The following MYO9A variants were observed in gnomAD, a reference collection of about 807,000 sequenced individuals.
MYO9A encodes unconventional myosin-IXa.
A neutral mutation model predicts 293.3 loss-of-function variants in MYO9A; 103 were observed. The observed-to-expected ratio is 0.35, with a 90% CI of 0.30 to 0.41. The LOEUF (loss-of-function observed/expected upper bound fraction) is 0.41, where lower values mean the gene tolerates loss of function less well. MYO9A is among the 10% of genes least tolerant of loss of function. The pLI is 1.00. For missense variants in MYO9A, 2,685 were observed against 3,033.0 expected (o/e 0.89, Z 2.69); for synonymous variants, 1,001 against 1,035.7 (o/e 0.97, Z 0.64).
chr15:71,876,181 T>C (rs1466146235), intron 31 of MYO9A, among the ~76,000 whole-genome samples: 3 of 151,266 alleles, frequency 2.0e-5, no homozygotes, highest in Admixed American at 6.6e-5. Context: ...AGTCTTGCTC[T>C]GTCGCCCAGG....
chr15:72,116,000 G>A (rs928282031), intron 1 of MYO9A, among the ~76,000 whole-genome samples: 9 of 152,170 alleles, frequency 5.9e-5, no homozygotes, highest in Admixed American at 4.6e-4. Flanking sequence ...CCTCTAGGAT[G>A]TAGTATTAAG....
intron 18 of MYO9A, among the ~76,000 whole-genome samples, chr15:71,920,502 C>T (rs2058128393): frequency 1.3e-5 from 2 of 152,160 alleles, no homozygotes; most frequent in Non-Finnish European, 2.9e-5. Flanking sequence ...TAGACATCAA[C>T]TCTGAAAACT....
At chr15:71,918,829 A>G (rs572664013) in intron 18 of MYO9A, among the ~76,000 whole-genome samples, 1 of 152,376 alleles carries the variant, frequency 6.6e-6, no homozygotes, top group South Asian at 2.1e-4. Context: ...TAAAATAACT[A>G]TTAGAAAATC....
intron 4 of MYO9A, among the ~76,000 whole-genome samples, chr15:72,023,444 G>A (rs2077562934): frequency 6.6e-6 from 1 of 152,080 alleles, no homozygotes; most frequent in African/African-American, 2.4e-5. Flanking sequence ...TATAACCCCA[G>A]TACTTTGGGA....
chr15:72,005,454 G>A (rs1328693098), intron 8 of MYO9A, among the ~76,000 whole-genome samples: 1 of 152,148 alleles, frequency 6.6e-6, no homozygotes, highest in African/African-American at 2.4e-5. Flanking sequence ...TAGCCACAAT[G>A]CCCTGTCACA....
At chr15:71,932,401 G>A (rs555668560) in intron 18 of MYO9A, among the ~76,000 whole-genome samples, 37 of 152,160 alleles carry the variant, frequency 2.4e-4, no homozygotes, top group African/African-American at 8.9e-4. Context: ...AGTGGCAGCT[G>A]TGATCAATCC....
chr15:71,957,310 A>G (rs2059226502), intron 14 of MYO9A, among the ~76,000 whole-genome samples: 1 of 152,150 alleles, frequency 6.6e-6, no homozygotes, highest in Admixed American at 6.5e-5. Context: ...GCCTTTGATT[A>G]AATTCCAGGG....
intron 27 of MYO9A, among the ~76,000 whole-genome samples, chr15:71,885,013 A>G (rs1365422700): frequency 6.7e-6 from 1 of 148,530 alleles, no homozygotes; most frequent in Non-Finnish European, 1.5e-5. Context: ...ATATTTATAC[A>G]TTAAAAAGAG....
At chr15:71,986,323 GA>G (rs751166592) in intron 11 of MYO9A, among the ~76,000 whole-genome samples, 2 of 152,140 alleles carry the variant, frequency 1.3e-5, no homozygotes, top group Non-Finnish European at 2.9e-5. Context: ...AGGGGGTCCT[GA>G]AACCAATCCC....
chr15:72,093,938 T>A (rs556414877), intron 1 of MYO9A, among the ~76,000 whole-genome samples: 2 of 88,164 alleles, frequency 2.3e-5, no homozygotes, highest in South Asian at 9.2e-4. Context: ...ATAAAATCAT[T>A]GAAAAGTAGT....
chr15:72,081,119 T>C (rs1341870873), intron 1 of MYO9A, among the ~76,000 whole-genome samples: 1 of 152,178 alleles, frequency 6.6e-6, no homozygotes, highest in African/African-American at 2.4e-5. Context: ...GTAGTTCTTT[T>C]TAGGTCACTG....
chr15:71,881,133 T>C (rs1333356267), intron 28 of MYO9A, among the ~76,000 whole-genome samples: 2 of 151,960 alleles, frequency 1.3e-5, no homozygotes, highest in Non-Finnish European at 2.9e-5. Flanking sequence ...CTTGGGTCTC[T>C]TCAGCATTTA....
chr15:72,118,236 G>A, upstream of MYO9A: 1 of 335,284 alleles, frequency 3.0e-6, no homozygotes, highest in Non-Finnish European at 5.4e-6. Context: ...AGAGTACAGC[G>A]TGCGCTTGCG....
intron 32 of MYO9A, among the ~76,000 whole-genome samples, chr15:71,869,603 A>G (rs986238242): frequency 6.6e-6 from 1 of 152,204 alleles, no homozygotes; most frequent in Non-Finnish European, 1.5e-5. Flanking sequence ...GATACGGTTT[A>G]TTTGTACTTC....
At chr15:71,848,038 T>C (rs755352432) in intron 39 of MYO9A, among the ~76,000 whole-genome samples, 1 of 152,088 alleles carries the variant, frequency 6.6e-6, no homozygotes, top group Non-Finnish European at 1.5e-5. Context: ...TAGAGATTTA[T>C]TGGGAATCTG....
chr15:71,873,292 A>G (rs1437160969), intron 32 of MYO9A, among the ~76,000 whole-genome samples: 1 of 152,128 alleles, frequency 6.6e-6, no homozygotes, highest in East Asian at 1.9e-4. Context: ...GCTACATCCT[A>G]TTATATAGAT....
At chr15:72,081,224 ATC>A (rs2079534564) in intron 1 of MYO9A, among the ~76,000 whole-genome samples, 2 of 152,092 alleles carry the variant, frequency 1.3e-5, no homozygotes, top group African/African-American at 2.4e-5. Flanking sequence ...CCCCGCTAGC[ATC>A]TGTTATTTTT....
At chr15:71,859,644 T>TA (rs1248301071) in intron 34 of MYO9A, 91 bp downstream of exon 34, 1 of 1,048,900 alleles carries the variant, frequency 9.5e-7, no homozygotes. Flanking sequence ...CACTCATCTG[T>TA]AAAACTATCA....
At chr15:71,927,669 T>C (rs1352744643) in intron 18 of MYO9A, among the ~76,000 whole-genome samples, 1 of 152,106 alleles carries the variant, frequency 6.6e-6, no homozygotes, top group Non-Finnish European at 1.5e-5. Context: ...CCCCCTGATA[T>C]GGATGACTGT....
Sources: gnomAD v4.1 joint callset for allele counts (sites outside exome capture counted in the v4.1 genomes callset) on GRCh38, gnomAD v4.1.1 for gene constraint, MANE v1.5 for transcripts, NCBI Gene and HGNC (gene_info 2026-07-23, HGNC 2026-07-21) for gene names.